The following ROBO2 variants were observed in gnomAD, a reference collection of about 807,000 sequenced individuals.
ROBO2 encodes roundabout homolog 2.
A neutral mutation model predicts 160.8 loss-of-function variants in ROBO2; 53 were observed. That is an observed-to-expected ratio of 0.33 (90% CI 0.26 to 0.41). The LOEUF (loss-of-function observed/expected upper bound fraction) is 0.41. ROBO2 is among the 10% of genes least tolerant of loss of function. ROBO2 has a pLI of 1.00. For missense variants in ROBO2, 1,577 were observed against 1,722.4 expected, an observed-to-expected ratio of 0.92 and a Z score of 1.49; for synonymous variants, 664 against 611.7, an observed-to-expected ratio of 1.09 and a Z score of -1.26.
chr3:77,322,966 A>T (rs1196843861), intron 2 of ROBO2, among the ~76,000 whole-genome samples: 1 of 710 alleles, frequency 1.4e-3, no homozygotes, highest in African/African-American at 2.6e-3. Context: ...GGATAATATA[A>T]TATATTATAT....
chr3:77,294,046 T>C lies in ROBO2; in HGVS notation c.389-183368T>C, dbSNP rs1417147780. On this transcript the variant is annotated intron_variant, in intron 2 of 25. Coordinates refer to ENST00000461745, the Ensembl canonical transcript of ROBO2. ...CCCAGACATAAAGTAAAATTGAAGA[T>C]TAAATGGGAAGTTGAGGCTAGAACA... Among the ~76,000 whole-genome samples, 6 of 135,262 alleles carry C rather than the reference T, an allele frequency of 4.4e-5. 1 individual carries two copies. 88.7% of individuals were successfully genotyped at this position (135,262 alleles called of 152,430 possible).
At chr3:76,416,255 TTAAC>T (rs2075753021) in intron 2 of ROBO2, among the ~76,000 whole-genome samples, 1 of 152,314 alleles carries the variant, frequency 6.6e-6, no homozygotes, top group South Asian at 2.1e-4. Flanking sequence ...AACATGTAAA[TTAAC>T]TAACAAATTC....
intron 2 of ROBO2, among the ~76,000 whole-genome samples, chr3:76,148,894 T>C (rs890874245): frequency 2.0e-5 from 3 of 152,228 alleles, no homozygotes; most frequent in Middle Eastern, 3.4e-3. Context: ...CTATAGTTAC[T>C]TTCTAAATTA....
chr3:76,129,590 C>T (rs1031120169), intron 2 of ROBO2, among the ~76,000 whole-genome samples: 1 of 152,058 alleles, frequency 6.6e-6, no homozygotes, highest in Non-Finnish European at 1.5e-5. Flanking sequence ...TAGTCCCATT[C>T]GAAAAATGAT....
chr3:76,543,333 A>G (rs758768904), intron 2 of ROBO2, among the ~76,000 whole-genome samples: 3 of 152,116 alleles, frequency 2.0e-5, no homozygotes, highest in Admixed American at 6.6e-5. Context: ...CTCTAATCCA[A>G]TAAGCCTGGT....
intron 2 of ROBO2, among the ~76,000 whole-genome samples, chr3:77,384,033 C>T (rs772876487): frequency 7.2e-5 from 11 of 151,988 alleles, no homozygotes; most frequent in Non-Finnish European, 1.3e-4. Flanking sequence ...TAAAATATGC[C>T]GCCCTGAAAA....
chr3:76,740,729 G>C (rs1399814617), intron 2 of ROBO2, among the ~76,000 whole-genome samples: 1 of 151,960 alleles, frequency 6.6e-6, no homozygotes, highest in Non-Finnish European at 1.5e-5. Flanking sequence ...AAAATATATT[G>C]CTTTCTAAAA....
chr3:76,973,834 C>T (rs1439218278), intron 2 of ROBO2, among the ~76,000 whole-genome samples: 9 of 152,150 alleles, frequency 5.9e-5, no homozygotes, highest in African/African-American at 1.9e-4. Flanking sequence ...TAGTTCAAAA[C>T]ACAGTAGACA....
At chr3:77,060,935 CA>C (rs1207469670) in intron 1 of ROBO2, among the ~76,000 whole-genome samples, 5 of 151,516 alleles carry the variant, frequency 3.3e-5, no homozygotes, top group Non-Finnish European at 5.9e-5. Flanking sequence ...GAAAACCTAA[CA>C]TTTTTTTTTT....
chr3:77,267,215 A>T (rs2059181098), intron 2 of ROBO2, among the ~76,000 whole-genome samples: 1 of 152,120 alleles, frequency 6.6e-6, no homozygotes, highest in South Asian at 2.1e-4. Flanking sequence ...AGGACTCCCA[A>T]GTTCAAAGGT....
At chr3:76,990,086 T>C (rs562487322) in intron 2 of ROBO2, among the ~76,000 whole-genome samples, 1 of 105,166 alleles carries the variant, frequency 9.5e-6, no homozygotes, top group Non-Finnish European at 1.9e-5. Flanking sequence ...AAAAATTATT[T>C]TTCTACTCTC....
chr3:76,965,785 G>GTATATATATATATATATATATATATA (rs62885160), intron 2 of ROBO2, among the ~76,000 whole-genome samples: 2 of 129,220 alleles, frequency 1.5e-5, no homozygotes, highest in African/African-American at 3.1e-5. Context: ...TTGTGTTTGT[G>GTATATATATATATATATATATATATA]TATATATATA....
intron 2 of ROBO2, among the ~76,000 whole-genome samples, chr3:77,099,558 A>C (rs940015117): frequency 2.6e-5 from 4 of 152,220 alleles, no homozygotes; most frequent in Non-Finnish European, 4.4e-5. Context: ...TTTTATTTTT[A>C]TAAAATGATA....
chr3:76,746,549 C>G (rs2093895654), intron 2 of ROBO2, among the ~76,000 whole-genome samples: 1 of 152,108 alleles, frequency 6.6e-6, no homozygotes, highest in African/African-American at 2.4e-5. Flanking sequence ...GATGGTATCT[C>G]ATTGTGGTTT....
chr3:77,603,244 C>T (rs1559707227), intron 20 of ROBO2, among the ~76,000 whole-genome samples: 1 of 151,932 alleles, frequency 6.6e-6, no homozygotes, highest in Non-Finnish European at 1.5e-5. Flanking sequence ...AATCACTGTC[C>T]CCTTTTATAT....
chr3:77,471,455 T>C (rs2083339410), intron 2 of ROBO2, among the ~76,000 whole-genome samples: 1 of 152,198 alleles, frequency 6.6e-6, no homozygotes, highest in African/African-American at 2.4e-5. Flanking sequence ...TCAAGGGTTT[T>C]TGGACTGAGG....
At chr3:77,082,704 C>CTA (rs35367984) in intron 1 of ROBO2, among the ~76,000 whole-genome samples, 15,974 of 148,228 alleles carry the variant, frequency 0.11, 1,185 homozygotes, top group African/African-American at 0.22. Flanking sequence ...TAGTAACATT[C>CTA]TATATATATA....
intron 2 of ROBO2, among the ~76,000 whole-genome samples, chr3:76,464,855 G>A (rs1168976189): frequency 6.6e-6 from 1 of 151,818 alleles, no homozygotes; most frequent in Admixed American, 6.6e-5. Context: ...TTATTCCTCA[G>A]TATCTTATGA....
intron 7 of ROBO2, among the ~76,000 whole-genome samples, chr3:77,548,156 T>TACACAC (rs147388507): frequency 6.8e-6 from 1 of 147,284 alleles, no homozygotes; most frequent in Non-Finnish European, 1.5e-5. Context: ...TACATACACA[T>TACACAC]ACACACACAC....
Sources: allele counts gnomAD v4.1 joint callset (sites outside exome capture counted in the v4.1 genomes callset), GRCh38; gene constraint gnomAD v4.1.1; transcripts MANE v1.5; gene names NCBI Gene and HGNC (gene_info 2026-07-23, HGNC 2026-07-21).